Variants in ALS2 observed in about 807,000 individuals in gnomAD.
ALS2 encodes alsin Rho guanine nucleotide exchange factor ALS2, also known as alsin.
Under a neutral mutation model 203.4 loss-of-function variants are expected in ALS2, and 117 were observed. The observed-to-expected ratio is 0.58, with a 90% confidence interval of 0.50 to 0.67. ALS2 has a LOEUF of 0.67. Ranked by LOEUF, ALS2 falls within the 30% of genes least tolerant of loss-of-function variation. The probability of loss-of-function intolerance (pLI) is 0.00; values close to 1 mark genes in which losing one functional copy is unlikely to be tolerated. For missense variants in ALS2, 1,715 were observed against 1,989.4 expected (o/e 0.86, Z 2.62); for synonymous variants, 718 against 725.9 (o/e 0.99, Z 0.17).
intron 20 of ALS2, among the ~76,000 whole-genome samples, chr2:201,724,839 T>A (rs570717914): frequency 6.6e-6 from 1 of 152,120 alleles, no homozygotes; most frequent in African/African-American, 2.4e-5. Context: ...TAGGGCTGGG[T>A]GCGGTGGCTC....
intron 1 of ALS2, among the ~76,000 whole-genome samples, chr2:201,773,769 A>G (rs1307328390): frequency 6.6e-6 from 1 of 152,170 alleles, no homozygotes; most frequent in Non-Finnish European, 1.5e-5. Flanking sequence ...AGCTTTAAGG[A>G]GCTCCTGCGC....
chr2:201,763,977 A>G (rs991905464), intron 3 of ALS2, among the ~76,000 whole-genome samples: 1 of 152,210 alleles, frequency 6.6e-6, no homozygotes, highest in Non-Finnish European at 1.5e-5. Context: ...TAAGGCAGCA[A>G]TTGAGTTGAT....
intron 23 of ALS2, among the ~76,000 whole-genome samples, chr2:201,721,704 C>T (rs1690809150): frequency 6.6e-6 from 1 of 152,102 alleles, no homozygotes; most frequent in South Asian, 2.1e-4. Flanking sequence ...CGCTCTGTCA[C>T]CCAGGCTGGA....
chr2:201,773,833 GT>G (rs1465058800), intron 1 of ALS2, among the ~76,000 whole-genome samples: 1 of 152,190 alleles, frequency 6.6e-6, no homozygotes, highest in Non-Finnish European at 1.5e-5. Flanking sequence ...CTGAGAAGTG[GT>G]CTGCCGTGGG....
intron 5 of ALS2, among the ~76,000 whole-genome samples, chr2:201,755,321 G>A (rs1344495021): frequency 5.3e-5 from 8 of 152,032 alleles, no homozygotes. Context: ...GGAGTGTAAT[G>A]GCATGATCTC....
chr2:201,771,934 T>C (rs1017638524), intron 1 of ALS2, among the ~76,000 whole-genome samples: 2 of 152,190 alleles, frequency 1.3e-5, no homozygotes, highest in Non-Finnish European at 2.9e-5. Context: ...TAAACAGCAT[T>C]TACTGTGGGA....
Position 201,761,544 on chromosome 2 carries a change from G to A in ALS2, c.450C>T (p.Val150=). The A allele has an allele frequency of 6.2e-7, 1 of 1,614,158 alleles. No homozygotes were observed. Among genetic ancestry groups the A allele is most frequent in the Non-Finnish European group, 8.5e-7 (1 of 1,180,026 alleles). The change falls in exon 4 of 34, where the codon GTC becomes GTT. Residue 150 remains valine (V), a synonymous_variant. Coordinates refer to ENST00000264276, the MANE Select transcript of ALS2 (RefSeq NM_020919.4). ...ADSEASPLLA[V]RILQLACGEE... Reference sequence around the variant, plus strand: ...CGCCACACGCCAACTGTAAAATCCTGACTGCTAACAAAGGGCTGGCCTCAG... The same window carrying A: ...CGCCACACGCCAACTGTAAAATCCTAACTGCTAACAAAGGGCTGGCCTCAG...
chr2:201,725,838 T>C (rs1047009091), intron 19 of ALS2, among the ~76,000 whole-genome samples: 1 of 152,202 alleles, frequency 6.6e-6, no homozygotes, highest in Non-Finnish European at 1.5e-5. Flanking sequence ...TCTCTTCTCA[T>C]TCTAACAATC....
intron 4 of ALS2, among the ~76,000 whole-genome samples, chr2:201,758,761 T>C (rs200498247): frequency 0.29 from 12,468 of 43,172 alleles, 577 homozygotes; most frequent in East Asian, 0.54. Flanking sequence ...TGTGTGCGCA[T>C]GTGTGTGTGT....
chr2:201,723,602 A>C (rs1690957486), intron 21 of ALS2, among the ~76,000 whole-genome samples, 161 bp from the exon 22 acceptor site: 1 of 152,250 alleles, frequency 6.6e-6, no homozygotes, highest in African/African-American at 2.4e-5. Flanking sequence ...TATGGGACAA[A>C]GTGATAGCAA....
intron 1 of ALS2, among the ~76,000 whole-genome samples, chr2:201,778,081 G>A (rs753852734): frequency 7.2e-5 from 11 of 151,916 alleles, no homozygotes; most frequent in Non-Finnish European, 1.6e-4. Flanking sequence ...AATTTAGGCT[G>A]TGGAAGAAAA....
At chr2:201,747,868 C>A (rs1369380980) in intron 8 of ALS2, among the ~76,000 whole-genome samples, 2 of 152,208 alleles carry the variant, frequency 1.3e-5, no homozygotes, top group Non-Finnish European at 2.9e-5. Context: ...ATTCAGTGGC[C>A]ACCATGCCAA....
At chr2:201,724,740 TAA>T (rs752977446) in intron 20 of ALS2, among the ~76,000 whole-genome samples, 51 of 152,302 alleles carry the variant, frequency 3.3e-4, no homozygotes, top group Non-Finnish European at 5.6e-4. Flanking sequence ...GAGGGAAGAA[TAA>T]AAGTTTTGTC....
At chr2:201,750,950 TTC>T (rs1351476238) in intron 7 of ALS2, among the ~76,000 whole-genome samples, 1 of 151,364 alleles carries the variant, frequency 6.6e-6, no homozygotes, top group African/African-American at 2.4e-5. Flanking sequence ...GCCTCCCAGA[TTC>T]AAGCAATTCT....
intron 21 of ALS2, 93 bp downstream of exon 21, chr2:201,724,202 T>C (rs1691001876): frequency 1.5e-6 from 2 of 1,371,878 alleles, no homozygotes; most frequent in East Asian, 4.7e-5. Flanking sequence ...CTAATCTCCA[T>C]GAAAAAGACA....
chr2:201,757,210 G>A (rs775648765), intron 5 of ALS2, among the ~76,000 whole-genome samples, 192 bp downstream of exon 5: 4 of 152,150 alleles, frequency 2.6e-5, no homozygotes, highest in Non-Finnish European at 4.4e-5. Flanking sequence ...AAAAAGTGAC[G>A]TTCTAACTTT....
intron 1 of ALS2, among the ~76,000 whole-genome samples, chr2:201,770,600 T>C (rs1285173683): frequency 6.6e-6 from 1 of 152,220 alleles, no homozygotes; most frequent in Non-Finnish European, 1.5e-5. Flanking sequence ...GGTTGTGTGA[T>C]ACTAACCAAC....
Position 201,749,754 on chromosome 2 carries a change from A to G in ALS2, c.1773T>C (p.Leu591=). The G allele has an allele frequency of 6.2e-7, 1 of 1,614,170 alleles. No homozygotes were observed. The highest frequency in any genetic ancestry group is 8.5e-7 in the Non-Finnish European group (1 of 1,180,000). The change falls in exon 8 of 34, where the codon CTT becomes CTC. Residue 591 remains leucine (L), a synonymous_variant. Transcript: ENST00000264276. The stretch of plus-strand genomic sequence containing the variant: ...CTGTTGTTGGAAAATCGGAATGCCC[A>G]AGTTGACCAAAGGTATTGCTACCCC... ...YSWGSNTFGQ[L]GHSDFPTTVP... is the part of the protein sequence containing the mutation.
At chr2:201,767,971 A>G (rs938759716) in intron 2 of ALS2, among the ~76,000 whole-genome samples, 2 of 151,948 alleles carry the variant, frequency 1.3e-5, no homozygotes, top group Admixed American at 1.3e-4. Flanking sequence ...AAGTTTTAGC[A>G]TTTGGTAGCA....
Sources: allele counts gnomAD v4.1 joint callset (sites outside exome capture counted in the v4.1 genomes callset), GRCh38; gene constraint gnomAD v4.1.1; transcripts MANE v1.5; gene names NCBI Gene and HGNC (gene_info 2026-07-23, HGNC 2026-07-21).